CA1: variants seen among roughly 807,000 people sequenced by gnomAD.
CA1 encodes carbonate dehydratase I.
Under a neutral mutation model 28.8 loss-of-function variants are expected in CA1, and 27 were observed. The observed-to-expected ratio is 0.94, with a 90% confidence interval of 0.69 to 1.29. CA1 has a LOEUF of 1.29. Ranked by LOEUF, CA1 falls within the 50% of genes most tolerant of loss-of-function variation. The probability of loss-of-function intolerance (pLI) is 0.00; values close to 1 mark genes in which losing one functional copy is unlikely to be tolerated. For synonymous variants in CA1, 121 were observed against 108.8 expected, an observed-to-expected ratio of 1.11 and a Z score of -0.70; for missense variants, 335 against 310.5, an observed-to-expected ratio of 1.08 and a Z score of -0.59.
intron 1 of CA1, among the ~76,000 whole-genome samples, chr8:85,345,210 T>C (rs1220600163): frequency 6.6e-6 from 1 of 152,194 alleles, no homozygotes; most frequent in African/African-American, 2.4e-5. Context: ...TGTATTTGTC[T>C]CCATCCATAC....
chr8:85,336,660 T>C (rs754319948), intron 4 of CA1, among the ~76,000 whole-genome samples: 2 of 152,194 alleles, frequency 1.3e-5, no homozygotes, highest in Non-Finnish European at 2.9e-5. Context: ...AGGAGCAGTG[T>C]CATCCTTTGA....
At chr8:85,367,901 C>T (rs544530597) in intron 1 of CA1, among the ~76,000 whole-genome samples, 37 of 151,688 alleles carry the variant, frequency 2.4e-4, no homozygotes, top group East Asian at 1.4e-3. Flanking sequence ...ACATGTGCTG[C>T]GGTAGTATTT....
At chr8:85,342,083 G>T (rs1427692413) in intron 1 of CA1, among the ~76,000 whole-genome samples, 1 of 152,040 alleles carries the variant, frequency 6.6e-6, no homozygotes, top group Non-Finnish European at 1.5e-5. Flanking sequence ...AAAATAATTT[G>T]TGTGTTTACA....
intron 1 of CA1, among the ~76,000 whole-genome samples, chr8:85,372,321 C>G (rs559333165): frequency 2.0e-5 from 3 of 152,204 alleles, no homozygotes; most frequent in Admixed American, 2.0e-4. Context: ...CAGCAGAAAA[C>G]AAGTGTTGGC....
At chr8:85,332,266 T>G in intron 6 of CA1, 1 of 491,618 alleles carries the variant, frequency 2.0e-6, no homozygotes, top group Non-Finnish European at 3.7e-6. Context: ...GGCCATATTC[T>G]GCTGAAATAA....
intron 3 of CA1, 80 bp downstream of exon 3, chr8:85,338,172 G>A (rs1808738912): frequency 8.7e-7 from 1 of 1,147,932 alleles, no homozygotes. Flanking sequence ...TAGAATGGGT[G>A]TCATATTTCT....
At chr8:85,375,477 C>T (rs1329487839) in intron 1 of CA1, among the ~76,000 whole-genome samples, 2 of 151,656 alleles carry the variant, frequency 1.3e-5, no homozygotes, top group African/African-American at 4.9e-5. Flanking sequence ...CCTACACTGA[C>T]CAGTGGTGCC....
chr8:85,344,201 A>T (rs1479962206), intron 1 of CA1, among the ~76,000 whole-genome samples: 12 of 112,030 alleles, frequency 1.1e-4, no homozygotes, highest in East Asian at 4.2e-4. Context: ...TATATTATAC[A>T]GTATATAATA....
intron 1 of CA1, among the ~76,000 whole-genome samples, chr8:85,346,978 G>A (rs1242259123): frequency 6.6e-6 from 1 of 152,148 alleles, no homozygotes; most frequent in African/African-American, 2.4e-5. Context: ...TATGAAAAGA[G>A]ATAAGTTCTC....
At chr8:85,354,399 C>T (rs532003531) in intron 1 of CA1, among the ~76,000 whole-genome samples, 4 of 151,842 alleles carry the variant, frequency 2.6e-5, no homozygotes, top group Admixed American at 1.3e-4. Flanking sequence ...TTAGATACAC[C>T]CCAGAGTACC....
Position 85,341,505 on chromosome 8 carries a change from A to G in CA1, c.37+94T>C, listed in dbSNP as rs922369959. Reference sequence around the variant, plus strand: ...AAGCAGACAGTTCAACAATTAACCTATAGCTGTACAATTATTTTAAATACT... The same window carrying G: ...AAGCAGACAGTTCAACAATTAACCTGTAGCTGTACAATTATTTTAAATACT... On this transcript the variant is annotated intron_variant, in intron 2 of 7. Coordinates refer to ENST00000523022, the MANE Select transcript of CA1 (RefSeq NM_001128831.4). 5.4e-5 allele frequency: 44 copies of G among 812,140 alleles called. No individual in the cohort carries two copies. The Middle Eastern group carries it at 7.1e-4, about 13-fold the overall frequency. 50.3% of individuals were successfully genotyped at this position (812,140 alleles called of 1,614,324 possible).
In CA1 at chr8:85,355,856, TTTC is replaced by T. The variant is rs553755415; in HGVS notation, c.-24-14200_-24-14198del. On this transcript the variant is annotated intron_variant, in intron 1 of 7. Coordinates refer to ENST00000523022, the MANE Select transcript of CA1 (RefSeq NM_001128831.4). Reference sequence around the variant, plus strand: ...TGATAAATGGCAGGTCTAGTTTTTTTTTCTTCTTCTTATTGAAAGATCAAGAAC... The same window carrying T: ...TGATAAATGGCAGGTCTAGTTTTTTTTTCTTCTTATTGAAAGATCAAGAAC... Among the ~76,000 whole-genome samples, 27 of 151,916 alleles carry T rather than the reference TTTC, an allele frequency of 1.8e-4. No individual in the cohort carries two copies. The South Asian group carries it at 5.4e-3, about 30-fold the overall frequency.
chr8:85,354,408 C>T (rs369603035), intron 1 of CA1, among the ~76,000 whole-genome samples: 1 of 151,850 alleles, frequency 6.6e-6, no homozygotes, highest in South Asian at 2.1e-4. Flanking sequence ...CCCCAGAGTA[C>T]CACCTTTTAG....
chr8:85,357,524 T>C (rs977867656), intron 1 of CA1, among the ~76,000 whole-genome samples: 1 of 152,242 alleles, frequency 6.6e-6, no homozygotes, highest in Non-Finnish European at 1.5e-5. Context: ...TGATAGCTGC[T>C]ATCATTGTTC....
chr8:85,341,542 C>A lies in CA1; in HGVS notation c.37+57G>T, dbSNP rs1325979113. 3.9e-6 allele frequency: 4 copies of A among 1,026,040 alleles called. No homozygotes were observed. In the African/African-American group the frequency reaches 6.3e-5, roughly 16 times the overall value. The allele number at this position is 1,026,040 out of a possible 1,614,324, so 63.6% of individuals were successfully genotyped here. ...TTATTTTAAATACTTAATATCTTTT[C>A]TGTTGGAAATGGGAACAAGTTATCA... is the stretch of plus-strand genomic sequence containing the variant. On this transcript the variant is annotated intron_variant, in intron 2 of 7. Transcript: ENST00000523022.
chr8:85,345,756 T>C (rs1295507338), intron 1 of CA1, among the ~76,000 whole-genome samples: 6 of 152,080 alleles, frequency 3.9e-5, no homozygotes. Context: ...TGTTTTTGGA[T>C]TAAGGAAAAA....
chr8:85,338,632 TTTTCTTTCTTTCTTTCTTTC>T (rs56255763), intron 2 of CA1, among the ~76,000 whole-genome samples, 183 bp from the exon 3 acceptor site: 2,119 of 131,592 alleles, frequency 0.016, 27 homozygotes, highest in Non-Finnish European at 0.026. Flanking sequence ...CTTTCCTTCT[TTTTCTTTCTTTCTTTCTTTC>T]TTTCTTTCTT....
In CA1 at chr8:85,333,454, T is replaced by A. The variant is rs1808496896; in HGVS notation, c.450+71A>T. 7 of 931,768 alleles carry A rather than the reference T, an allele frequency of 7.5e-6. No homozygotes were observed. The South Asian group carries it at 9.2e-5, about 12-fold the overall frequency. 57.7% of individuals were successfully genotyped at this position (931,768 alleles called of 1,614,324 possible). A position where few individuals can be genotyped will look rare whatever the true frequency, so the allele number is the denominator to read the frequency against. ...AGAAATTCTAAAATATATGTTGCCTTATTTCCTTCTATTTTGAGGTCTAAT... is the reference window on the plus strand; with the variant it reads ...AGAAATTCTAAAATATATGTTGCCTAATTTCCTTCTATTTTGAGGTCTAAT... On this transcript the variant is annotated intron_variant, in intron 5 of 7. Coordinates refer to ENST00000523022, the MANE Select transcript of CA1 (RefSeq NM_001128831.4).
chr8:85,376,669 A>G (rs1320685305), intron 1 of CA1, among the ~76,000 whole-genome samples: 2 of 133,596 alleles, frequency 1.5e-5, no homozygotes, highest in South Asian at 2.2e-4. Context: ...AAATAAATAA[A>G]TAAATAAATA....
Sources: gnomAD v4.1 joint callset for allele counts (sites outside exome capture counted in the v4.1 genomes callset) on GRCh38, gnomAD v4.1.1 for gene constraint, MANE v1.5 for transcripts, NCBI Gene and HGNC (gene_info 2026-07-23, HGNC 2026-07-21) for gene names.